KIAA0825: variants seen among roughly 807,000 people sequenced by gnomAD.
KIAA0825 encodes uncharacterized protein KIAA0825.
In KIAA0825, 119 loss-of-function variants were observed where a neutral mutation model predicts 147.6. The ratio of observed to expected loss-of-function variants is 0.81; its 90% CI spans 0.69 to 0.94. The LOEUF is 0.94. Among genes scored for constraint, KIAA0825 ranks in the 40% least tolerant of loss-of-function variants. KIAA0825 has a pLI of 0.00. For missense variants in KIAA0825, 1,381 were observed against 1,472.7 expected (o/e 0.94, Z 1.02); for synonymous variants, 470 against 518.1 (o/e 0.91, Z 1.26).
intron 1 of KIAA0825, among the ~76,000 whole-genome samples, chr5:94,600,259 C>T (rs1488681665): frequency 6.6e-6 from 1 of 152,078 alleles, no homozygotes; most frequent in African/African-American, 2.4e-5. Flanking sequence ...AATTGAAACC[C>T]TCATACACAG....
chr5:94,248,155 A>G (rs920102545), intron 20 of KIAA0825, among the ~76,000 whole-genome samples: 5 of 152,162 alleles, frequency 3.3e-5, no homozygotes, highest in Non-Finnish European at 7.4e-5. Flanking sequence ...CTAAAATGCA[A>G]AAGAGTATCA....
chr5:94,598,025 C>A (rs1027263675), intron 1 of KIAA0825, among the ~76,000 whole-genome samples: 1 of 152,104 alleles, frequency 6.6e-6, no homozygotes, highest in Non-Finnish European at 1.5e-5. Flanking sequence ...CTGAACACTA[C>A]TGTAGACTTT....
chr5:94,375,779 C>T (rs754499045), intron 20 of KIAA0825, among the ~76,000 whole-genome samples: 3 of 151,988 alleles, frequency 2.0e-5, no homozygotes, highest in Non-Finnish European at 2.9e-5. Context: ...ACAACCAAAG[C>T]GAAAATTCAA....
intron 20 of KIAA0825, among the ~76,000 whole-genome samples, chr5:94,269,623 G>T (rs1776893277): frequency 6.6e-6 from 1 of 151,896 alleles, no homozygotes; most frequent in South Asian, 2.1e-4. Flanking sequence ...AAATGAAAAT[G>T]GAAACACGAC....
chr5:94,453,172 T>C (rs1758634245), intron 12 of KIAA0825, 103 bp from the exon 13 acceptor site: 1 of 682,396 alleles, frequency 1.5e-6, no homozygotes. Context: ...ATGATTTTTT[T>C]TGTTTGTTTC....
chr5:94,468,063 G>A (rs975862021), intron 10 of KIAA0825, among the ~76,000 whole-genome samples: 122 of 152,172 alleles, frequency 8.0e-4, no homozygotes, highest in African/African-American at 2.7e-3. Flanking sequence ...GTATATGGAA[G>A]CTACAGTACC....
In KIAA0825 at chr5:94,396,288, C is replaced by T; in HGVS notation, c.3109G>A (p.Gly1037Ser). The change falls in exon 17 of 21, where the codon GGT becomes AGT. Residue 1037 changes from glycine (G) to serine (S), a missense_variant. Coordinates refer to ENST00000682413, the MANE Select transcript of KIAA0825 (RefSeq NM_001145678.3). The stretch of plus-strand genomic sequence containing the variant: ...TTACTCCATCTGTCAAGAGAGGCAC[C>T]TGTTAAAAGTTCCACAGTGTTTCCG... ...EDGNTVELLTGASLDRWSKEK... is the reference protein window; with the variant it reads ...EDGNTVELLTSASLDRWSKEK... The T allele has an allele frequency of 6.4e-7, 1 of 1,550,514 alleles. No individual in the cohort carries two copies. Among genetic ancestry groups the T allele is most frequent in the Non-Finnish European group, 8.7e-7 (1 of 1,146,566 alleles).
chr5:94,550,570 C>T (rs1312466262), intron 2 of KIAA0825, among the ~76,000 whole-genome samples: 14 of 152,256 alleles, frequency 9.2e-5, no homozygotes, highest in Middle Eastern at 3.4e-3. Context: ...CAATAATTCA[C>T]GGTAGCTCAC....
intron 2 of KIAA0825, among the ~76,000 whole-genome samples, chr5:94,538,945 C>T (rs1033564199): frequency 2.6e-5 from 4 of 152,186 alleles, no homozygotes; most frequent in African/African-American, 9.7e-5. Context: ...ACCAGAGCAA[C>T]TCCGTCTTGA....
chr5:94,211,581 T>A (rs1002240506), intron 20 of KIAA0825, among the ~76,000 whole-genome samples: 1 of 152,126 alleles, frequency 6.6e-6, no homozygotes, highest in Non-Finnish European at 1.5e-5. Flanking sequence ...CTTCCTCTAT[T>A]AAAACACGCT....
chr5:94,614,444 G>A (rs532681454), intron 1 of KIAA0825, among the ~76,000 whole-genome samples: 16 of 152,228 alleles, frequency 1.1e-4, no homozygotes, highest in African/African-American at 3.6e-4. Context: ...ATTGCTTATC[G>A]TTAAAAGCCT....
At chr5:94,306,480 C>T (rs1414079030) in intron 20 of KIAA0825, among the ~76,000 whole-genome samples, 2 of 151,764 alleles carry the variant, frequency 1.3e-5, no homozygotes, top group African/African-American at 4.8e-5. Context: ...ATACTTTTTT[C>T]ACACGGGAGA....
At chr5:94,366,791 A>C (rs536407359) in intron 20 of KIAA0825, among the ~76,000 whole-genome samples, 1 of 152,348 alleles carries the variant, frequency 6.6e-6, no homozygotes, top group South Asian at 2.1e-4. Flanking sequence ...CTTCTTGCAG[A>C]AAGGGTACAC....
intron 5 of KIAA0825, among the ~76,000 whole-genome samples, chr5:94,497,479 C>T (rs538376389): frequency 6.6e-6 from 1 of 152,072 alleles, no homozygotes; most frequent in South Asian, 2.1e-4. Flanking sequence ...GTGGAAAGCA[C>T]GAATACTACA....
At chr5:94,595,253 G>T (rs1415639779) in intron 1 of KIAA0825, among the ~76,000 whole-genome samples, 2 of 152,174 alleles carry the variant, frequency 1.3e-5, no homozygotes, top group African/African-American at 4.8e-5. Flanking sequence ...ACCTCTGTCT[G>T]GACACCCATA....
At chr5:94,476,489 G>T (rs1326996539) in intron 7 of KIAA0825, among the ~76,000 whole-genome samples, 2 of 152,208 alleles carry the variant, frequency 1.3e-5, no homozygotes, top group East Asian at 3.9e-4. Context: ...GTGGGAACAG[G>T]GCTCAGGGTG....
intron 1 of KIAA0825, among the ~76,000 whole-genome samples, chr5:94,605,337 C>G (rs1585022625): frequency 6.6e-6 from 1 of 152,068 alleles, no homozygotes; most frequent in South Asian, 2.1e-4. Flanking sequence ...ACCAGATGTA[C>G]AAACAAGAGC....
chr5:94,373,891 C>T (rs1256658092), intron 20 of KIAA0825, among the ~76,000 whole-genome samples: 1 of 152,016 alleles, frequency 6.6e-6, no homozygotes, highest in East Asian at 1.9e-4. Flanking sequence ...TCTCATGTTG[C>T]TATAGCATCA....
chr5:94,309,605 G>A (rs570717986), intron 20 of KIAA0825, among the ~76,000 whole-genome samples: 15 of 151,806 alleles, frequency 9.9e-5, no homozygotes, highest in African/African-American at 3.6e-4. Context: ...ACTCAGCATT[G>A]AGCCTTCAAT....
Sources: gnomAD v4.1 joint callset for allele counts (sites outside exome capture counted in the v4.1 genomes callset) on GRCh38, gnomAD v4.1.1 for gene constraint, MANE v1.5 for transcripts, NCBI Gene and HGNC (gene_info 2026-07-23, HGNC 2026-07-21) for gene names.